GLI2: variants seen among roughly 807,000 people sequenced by gnomAD.
GLI2 encodes the protein transcription activator GLI2.
A neutral mutation model predicts 78.9 loss-of-function variants in GLI2; 22 were observed. The observed-to-expected ratio is 0.28, with a 90% CI of 0.20 to 0.40. The LOEUF is 0.40. GLI2 is among the 10% of genes least tolerant of loss of function. The pLI, the probability that GLI2 is intolerant of heterozygous loss-of-function variation, is 1.00. For synonymous variants in GLI2, 974 were observed against 963.7 expected, an observed-to-expected ratio of 1.01 and a Z score of -0.20; for missense variants, 2,097 against 2,213.2, an observed-to-expected ratio of 0.95 and a Z score of 1.05.
chr2:120,823,904 A>T (rs1454889069), intron 2 of GLI2, among the ~76,000 whole-genome samples: 7 of 152,232 alleles, frequency 4.6e-5, no homozygotes, highest in Admixed American at 4.6e-4. Context: ...TGGCCCTGCC[A>T]TTCCACGTCA....
intron 5 of GLI2, among the ~76,000 whole-genome samples, chr2:120,963,079 G>A (rs762110425): frequency 5.9e-5 from 9 of 152,198 alleles, no homozygotes; most frequent in African/African-American, 7.2e-5. Context: ...AATGCAAGCC[G>A]ATGAGTGAAT....
At chr2:120,745,648 TCATA>T (rs1281594928) in intron 1 of GLI2, among the ~76,000 whole-genome samples, 9 of 152,274 alleles carry the variant, frequency 5.9e-5, no homozygotes, top group African/African-American at 2.2e-4. Context: ...GGGCTTTGAT[TCATA>T]CAGTTTTGCA....
At chr2:120,847,916 T>C (rs1687199076) in intron 2 of GLI2, among the ~76,000 whole-genome samples, 1 of 151,998 alleles carries the variant, frequency 6.6e-6, no homozygotes, top group East Asian at 1.9e-4. Flanking sequence ...AAACCCGCTG[T>C]GGGGAGGGGG....
At chr2:120,791,926 C>G (rs1388882384) in intron 1 of GLI2, among the ~76,000 whole-genome samples, 1 of 152,084 alleles carries the variant, frequency 6.6e-6, no homozygotes, top group Non-Finnish European at 1.5e-5. Context: ...AGTGTGTGAG[C>G]CTGCGTGTGT....
Position 120,757,583 on chromosome 2 carries a change from A to G in GLI2, c.-31+21298A>G, listed in dbSNP as rs138730015. The stretch of plus-strand genomic sequence containing the variant: ...CTTTTCCTGGCCTTGGGGCAAGAAC[A>G]GTATGTGCTGATTCTATTCTGCAAT... On this transcript the variant is annotated intron_variant, in intron 1 of 13. Transcript: ENST00000361492. Among the ~76,000 whole-genome samples, 708 of 152,358 alleles carry G rather than the reference A, an allele frequency of 4.6e-3. 2 individuals are homozygous for G. The highest frequency in any genetic ancestry group is 7.0e-3 in the Non-Finnish European group (476 of 68,034).
intron 3 of GLI2, among the ~76,000 whole-genome samples, chr2:120,929,692 A>G (rs931586795): frequency 6.6e-6 from 1 of 152,170 alleles, no homozygotes; most frequent in African/African-American, 2.4e-5. Context: ...TGTCCCGTTG[A>G]CATGTTGGGA....
intron 1 of GLI2, among the ~76,000 whole-genome samples, chr2:120,771,839 G>T (rs1476697827): frequency 6.6e-6 from 1 of 152,230 alleles, no homozygotes; most frequent in Non-Finnish European, 1.5e-5. Context: ...CAACCAAGTA[G>T]GTGGTGTGGC....
chr2:120,752,590 A>T (rs1682911917), intron 1 of GLI2, among the ~76,000 whole-genome samples: 1 of 152,044 alleles, frequency 6.6e-6, no homozygotes, highest in African/African-American at 2.4e-5. Flanking sequence ...TTTTATTTAT[A>T]CTTATTTATT....
At chr2:120,867,250 T>C (rs972552880) in intron 2 of GLI2, 2 of 152,168 alleles carry the variant, frequency 1.3e-5, no homozygotes, top group Non-Finnish European at 2.9e-5. Context: ...CTGGAAGGCA[T>C]GCCGACGTCA....
intron 2 of GLI2, among the ~76,000 whole-genome samples, chr2:120,841,740 G>A (rs1018457400): frequency 1.3e-5 from 2 of 152,226 alleles, no homozygotes; most frequent in African/African-American, 4.8e-5. Flanking sequence ...TCAGAGTATG[G>A]TGGGGGAGAG....
At chr2:120,878,122 C>T (rs923270704) in intron 2 of GLI2, among the ~76,000 whole-genome samples, 7 of 152,210 alleles carry the variant, frequency 4.6e-5, no homozygotes, top group African/African-American at 1.7e-4. Flanking sequence ...GAATTGTGAA[C>T]TTCAGAAAAA....
At chr2:120,873,261 G>C (rs1315536566) in intron 2 of GLI2, among the ~76,000 whole-genome samples, 4 of 152,138 alleles carry the variant, frequency 2.6e-5, no homozygotes, top group Non-Finnish European at 5.9e-5. Flanking sequence ...TGTTTTTGTA[G>C]TGTGTATTTA....
intron 2 of GLI2, among the ~76,000 whole-genome samples, chr2:120,863,200 G>A (rs1241114034): frequency 6.6e-6 from 1 of 152,218 alleles, no homozygotes; most frequent in South Asian, 2.1e-4. Context: ...GGAGACCCTG[G>A]AAGCATGAAG....
chr2:120,933,382 C>T (rs1461325528), intron 3 of GLI2, among the ~76,000 whole-genome samples: 3 of 152,162 alleles, frequency 2.0e-5, no homozygotes, highest in African/African-American at 7.2e-5. Flanking sequence ...CTGTGCAAAC[C>T]ACAAGTGATG....
At chr2:120,916,641 C>G (rs1476863653) in intron 2 of GLI2, among the ~76,000 whole-genome samples, 4 of 152,246 alleles carry the variant, frequency 2.6e-5, no homozygotes, top group Non-Finnish European at 4.4e-5. Flanking sequence ...TTCTCTGTGG[C>G]CTCCAGAGCC....
At chr2:120,957,014 T>C (rs1243269028) in intron 5 of GLI2, among the ~76,000 whole-genome samples, 1 of 152,208 alleles carries the variant, frequency 6.6e-6, no homozygotes, top group Admixed American at 6.5e-5. Flanking sequence ...CTCCTCTGGC[T>C]GCTCCTTCAC....
At chr2:120,986,682 AC>A in intron 13 of GLI2, 68 bp downstream of exon 13, 1 of 1,282,424 alleles carries the variant, frequency 7.8e-7, no homozygotes, top group Non-Finnish European at 1.1e-6. Flanking sequence ...CTAGGCTGGC[AC>A]CCACCAAGCA....
chr2:120,971,716 C>T (rs1682182233), intron 7 of GLI2, among the ~76,000 whole-genome samples: 1 of 152,174 alleles, frequency 6.6e-6, no homozygotes, highest in African/African-American at 2.4e-5. Flanking sequence ...CTTGGGGAGG[C>T]GGTGATGGAG....
Position 120,989,429 on chromosome 2 carries a change from C to G in GLI2, c.3464C>G (p.Ala1155Gly). ...CCACCCTTTCCTCAGGGCAACCTGG[C>G]GGTGGTGCAGCAGAAGCCTGCCTTT... is the stretch of plus-strand genomic sequence containing the variant. Reference protein sequence around the residue: ...KPPPFPQGNLAVVQQKPAFGQ... With the variant: ...KPPPFPQGNLGVVQQKPAFGQ... Residue 1155 changes from alanine (A) to glycine (G), a missense_variant, in exon 14 of 14, where the codon GCG (alanine) becomes GGG (glycine). Coordinates refer to ENST00000361492, the MANE Select transcript of GLI2 (RefSeq NM_001374353.1). The G allele has an allele frequency of 1.9e-6, 3 of 1,613,064 alleles. No homozygotes were observed. The highest frequency in any genetic ancestry group is 2.5e-6 in the Non-Finnish European group (3 of 1,179,994).
Sources: gnomAD v4.1 joint callset for allele counts (sites outside exome capture counted in the v4.1 genomes callset) on GRCh38, gnomAD v4.1.1 for gene constraint, MANE v1.5 for transcripts, NCBI Gene and HGNC (gene_info 2026-07-23, HGNC 2026-07-21) for gene names.